The following HACD3 variants were observed in gnomAD, a reference collection of about 807,000 sequenced individuals.
The protein encoded by HACD3 is 3-hydroxyacyl-CoA dehydratase 3, also known as very-long-chain (3R)-3-hydroxyacyl-CoA dehydratase 3.
In HACD3, 30 loss-of-function variants were observed where a neutral mutation model predicts 55.2. That is an observed-to-expected ratio of 0.54 (90% CI 0.41 to 0.74). HACD3 has a LOEUF of 0.74. HACD3 is among the 30% of genes least tolerant of loss of function. The probability of loss-of-function intolerance (pLI) is 0.00; values close to 1 mark genes in which losing one functional copy is unlikely to be tolerated. For missense variants in HACD3, 363 were observed against 440.1 expected, an observed-to-expected ratio of 0.82 and a Z score of 1.57; for synonymous variants, 141 against 151.7, an observed-to-expected ratio of 0.93 and a Z score of 0.52.
chr15:65,557,510 A>G (rs962065378), intron 4 of HACD3, among the ~76,000 whole-genome samples: 4 of 151,814 alleles, frequency 2.6e-5, no homozygotes, highest in African/African-American at 9.7e-5. Flanking sequence ...AACGTGACAC[A>G]TCACTGTTGA....
At chr15:65,548,938 G>T (rs1466036028) in intron 1 of HACD3, among the ~76,000 whole-genome samples, 1 of 152,044 alleles carries the variant, frequency 6.6e-6, no homozygotes, top group Non-Finnish European at 1.5e-5. Context: ...TGTTCCCCTA[G>T]CTGCATTTGA....
At chr15:65,535,237 A>G (rs73484666) in intron 1 of HACD3, among the ~76,000 whole-genome samples, 31 of 152,338 alleles carry the variant, frequency 2.0e-4, no homozygotes, top group African/African-American at 7.5e-4. Context: ...ACAAACCCTA[A>G]AGACAAAGAT....
At chr15:65,558,891 T>C (rs1168619600) in intron 5 of HACD3, among the ~76,000 whole-genome samples, 160 bp downstream of exon 5, 3 of 152,226 alleles carry the variant, frequency 2.0e-5, no homozygotes, top group Non-Finnish European at 4.4e-5. Context: ...AGGTCTGCAC[T>C]ACCCACGTCA....
At chr15:65,531,930 T>A (rs1275973516) in intron 1 of HACD3, among the ~76,000 whole-genome samples, 1 of 152,108 alleles carries the variant, frequency 6.6e-6, no homozygotes. Context: ...TGGCACTTTG[T>A]CATCTCTTTC....
At chr15:65,566,584 C>T (rs1001774540) in intron 7 of HACD3, 1 of 152,384 alleles carries the variant, frequency 6.6e-6, no homozygotes, top group African/African-American at 2.4e-5. Flanking sequence ...AGACCAGCCC[C>T]CATGATTCAG....
chr15:65,566,892 T>C (rs530665173), intron 7 of HACD3: 1 of 152,204 alleles, frequency 6.6e-6, no homozygotes, highest in Non-Finnish European at 1.5e-5. Context: ...ACTAGGGAAA[T>C]TTGACTCTTA....
At chr15:65,545,131 T>A (rs2072062479) in intron 1 of HACD3, among the ~76,000 whole-genome samples, 1 of 151,956 alleles carries the variant, frequency 6.6e-6, no homozygotes, top group African/African-American at 2.4e-5. Flanking sequence ...AAGAGTGTTG[T>A]GAGGGAATGG....
intron 6 of HACD3, among the ~76,000 whole-genome samples, chr15:65,563,991 T>C (rs914417637): frequency 6.6e-6 from 1 of 151,792 alleles, no homozygotes; most frequent in African/African-American, 2.4e-5. Context: ...GAGAAAGGCA[T>C]ATAAGGTGTA....
intron 1 of HACD3, among the ~76,000 whole-genome samples, chr15:65,544,646 AAAAG>A (rs2072056071): frequency 1.3e-5 from 2 of 152,192 alleles, no homozygotes; most frequent in East Asian, 1.9e-4. Context: ...TTCAATTAAA[AAAAG>A]GGAGAGGAGA....
rs1425471256 is a variant in HACD3, at chr15:65,576,747, C to G, written c.*368C>G. On this transcript the variant is annotated 3_prime_UTR_variant, in exon 11 of 11. Transcript: ENST00000261875. ...TCTTACAGTTGAGATTTGTTCTTTT[C>G]AGCTATTGCTTGTGAAAAAAAGCAA... is the stretch of plus-strand genomic sequence containing the variant. 1.0e-5 allele frequency: 2 copies of G among 191,848 alleles called. No homozygotes were observed. The highest frequency in any genetic ancestry group is 4.7e-5 in the African/African-American group (2 of 42,232). The allele number at this position is 191,848 out of a possible 1,614,324, so 11.9% of individuals were successfully genotyped here.
chr15:65,546,656 G>T (rs559261305), intron 1 of HACD3, among the ~76,000 whole-genome samples: 40 of 152,252 alleles, frequency 2.6e-4, no homozygotes, highest in African/African-American at 9.4e-4. Flanking sequence ...GTCCAGGCTG[G>T]TCCCAAACTA....
At position 65,576,486 on chromosome 15, in the gene HACD3, T is replaced by G; in HGVS notation, c.*107T>G. On this transcript the variant is annotated 3_prime_UTR_variant, in exon 11 of 11. Transcript: ENST00000261875. ...TTTTTTTAATGTTAAATGATTAAATTCTCAGTGAGGCTATCTTCCTTTTCC... is the reference window on the plus strand; with the variant it reads ...TTTTTTTAATGTTAAATGATTAAATGCTCAGTGAGGCTATCTTCCTTTTCC... 1 of 1,167,886 alleles carries G rather than the reference T, an allele frequency of 8.6e-7. No individual in the cohort carries two copies. Among genetic ancestry groups the G allele is most frequent in the East Asian group, 2.6e-5 (1 of 38,880 alleles). The allele number at this position is 1,167,886 out of a possible 1,614,324, so 72.3% of individuals were successfully genotyped here.
chr15:65,573,743 T>C (rs1183284382), intron 10 of HACD3, among the ~76,000 whole-genome samples: 1 of 152,204 alleles, frequency 6.6e-6, no homozygotes, highest in Non-Finnish European at 1.5e-5. Flanking sequence ...GTAGGTTAAA[T>C]ACAATTTGAG....
intron 10 of HACD3, among the ~76,000 whole-genome samples, chr15:65,572,996 C>T (rs2072365274): frequency 6.7e-6 from 1 of 149,516 alleles, no homozygotes; most frequent in Non-Finnish European, 1.5e-5. Flanking sequence ...TAAGAAGCTC[C>T]CACTTTTACT....
chr15:65,545,836 C>T (rs1039313573), intron 1 of HACD3, among the ~76,000 whole-genome samples: 2 of 152,186 alleles, frequency 1.3e-5, no homozygotes, highest in African/African-American at 4.8e-5. Flanking sequence ...TTTATTTCTT[C>T]TTTCCCTGAA....
chr15:65,570,250 C>T (rs190041682), intron 8 of HACD3, 47 bp downstream of exon 8: 2 of 1,344,836 alleles, frequency 1.5e-6, no homozygotes, highest in Admixed American at 1.7e-5. Context: ...TCCCTGTTTG[C>T]AGCAGCTCTG....
chr15:65,536,198 G>A (rs1356354483), intron 1 of HACD3, among the ~76,000 whole-genome samples: 2 of 151,504 alleles, frequency 1.3e-5, no homozygotes, highest in African/African-American at 2.4e-5. Flanking sequence ...TGTATTTTTT[G>A]TAGAGACGAG....
At chr15:65,570,294 C>T (rs571998600) in intron 8 of HACD3, 91 bp downstream of exon 8, 14 of 971,330 alleles carry the variant, frequency 1.4e-5, no homozygotes, top group South Asian at 1.4e-4. Flanking sequence ...GCCAGAGTCT[C>T]ATTTGGTTTG....
At chr15:65,533,964 T>C (rs1303898667) in intron 1 of HACD3, among the ~76,000 whole-genome samples, 1 of 150,064 alleles carries the variant, frequency 6.7e-6, no homozygotes, top group Non-Finnish European at 1.5e-5. Flanking sequence ...GGCAGGAGAA[T>C]GGCGTGAACC....
Sources: allele counts gnomAD v4.1 joint callset (sites outside exome capture counted in the v4.1 genomes callset), GRCh38; gene constraint gnomAD v4.1.1; transcripts MANE v1.5; gene names NCBI Gene and HGNC (gene_info 2026-07-23, HGNC 2026-07-21).